RORA: variants seen among roughly 807,000 people sequenced by gnomAD.
RORA encodes the protein nuclear receptor ROR-alpha.
A neutral mutation model predicts 69.5 loss-of-function variants in RORA; 7 were observed. The observed-to-expected ratio is 0.10, with a 90% CI of 0.06 to 0.19. The LOEUF (loss-of-function observed/expected upper bound fraction) is 0.19, where lower values mean the gene tolerates loss of function less well. Ranked by LOEUF, RORA falls within the 10% of genes least tolerant of loss-of-function variation. RORA has a pLI of 1.00. For missense variants in RORA, 457 were observed against 663.0 expected, an observed-to-expected ratio of 0.69 and a Z score of 3.41; for synonymous variants, 261 against 240.8, an observed-to-expected ratio of 1.08 and a Z score of -0.78.
intron 1 of RORA, among the ~76,000 whole-genome samples, chr15:61,170,653 T>C (rs923125564): frequency 1.3e-5 from 2 of 152,160 alleles, no homozygotes; most frequent in Admixed American, 1.3e-4. Flanking sequence ...AAAAAGAGCA[T>C]ATATGTGTAT....
intron 1 of RORA, among the ~76,000 whole-genome samples, chr15:60,685,981 G>T (rs2070741114): frequency 6.6e-6 from 1 of 152,030 alleles, no homozygotes; most frequent in African/African-American, 2.4e-5. Flanking sequence ...AGGTGCTTTG[G>T]ACGCCATGAA....
intron 1 of RORA, among the ~76,000 whole-genome samples, chr15:60,838,137 G>A (rs2073143510): frequency 6.6e-6 from 1 of 152,088 alleles, no homozygotes; most frequent in Non-Finnish European, 1.5e-5. Context: ...CAAGTGGTGG[G>A]ATGAGCTGTG....
At chr15:61,228,936 G>T (rs1199377629) in intron 1 of RORA, 117 bp downstream of exon 1, 3 of 272,956 alleles carry the variant, frequency 1.1e-5, no homozygotes, top group African/African-American at 2.3e-5. Flanking sequence ...TCGGGGCGCC[G>T]CCGCAGGCTC....
chr15:60,772,049 ATTT>A (rs2072083913), intron 1 of RORA, among the ~76,000 whole-genome samples: 1 of 151,878 alleles, frequency 6.6e-6, no homozygotes, highest in Non-Finnish European at 1.5e-5. Flanking sequence ...TTTATTATTT[ATTT>A]TTATTTTTAT....
At chr15:60,663,892 C>G (rs1229460279) in intron 2 of RORA, among the ~76,000 whole-genome samples, 1 of 152,196 alleles carries the variant, frequency 6.6e-6, no homozygotes, top group Non-Finnish European at 1.5e-5. Context: ...TAACCCAACT[C>G]TCCAGAATTC....
intron 1 of RORA, among the ~76,000 whole-genome samples, chr15:60,968,474 T>C (rs1377645605): frequency 6.6e-6 from 1 of 152,152 alleles, no homozygotes; most frequent in Non-Finnish European, 1.5e-5. Flanking sequence ...ACTTTGAAAA[T>C]GGGCTAATAG....
intron 1 of RORA, among the ~76,000 whole-genome samples, chr15:60,783,519 G>A (rs2072292585): frequency 6.6e-6 from 1 of 152,092 alleles, no homozygotes; most frequent in African/African-American, 2.4e-5. Context: ...AACACAAAGG[G>A]GCTTTTATTA....
chr15:60,784,970 G>A (rs17204475), intron 1 of RORA, among the ~76,000 whole-genome samples: 10,602 of 152,224 alleles, frequency 0.07, 489 homozygotes, highest in Middle Eastern at 0.15. Flanking sequence ...CTGGCGAGAG[G>A]AAATTACAAA....
At chr15:60,840,592 G>C (rs1289355342) in intron 1 of RORA, among the ~76,000 whole-genome samples, 1 of 152,230 alleles carries the variant, frequency 6.6e-6, no homozygotes, top group Non-Finnish European at 1.5e-5. Context: ...TCAAGAGAGT[G>C]AGATGTTTGC....
chr15:61,178,856 T>TA (rs1220339326), intron 1 of RORA, among the ~76,000 whole-genome samples: 1 of 152,214 alleles, frequency 6.6e-6, no homozygotes, highest in Non-Finnish European at 1.5e-5. Context: ...TAGCTAACCA[T>TA]ATAGACTATA....
At chr15:60,893,953 C>G (rs909234680) in intron 1 of RORA, among the ~76,000 whole-genome samples, 22 of 152,272 alleles carry the variant, frequency 1.4e-4, no homozygotes, top group African/African-American at 4.8e-4. Context: ...CCCGTCTGGG[C>G]CCCTTCATCT....
rs1567051669 is a variant in RORA, at chr15:60,516,059, A to ATATATATTTATT, written c.283-1303_283-1302insAATAAATATATA. 5.1e-3 allele frequency among the ~76,000 whole-genome samples: 117 copies of ATATATATTTATT among 22,928 alleles called. 26 individuals are homozygous for ATATATATTTATT. The highest frequency in any genetic ancestry group is 0.04 in the East Asian group (16 of 400). The allele number at this position is 22,928 out of a possible 152,430, so 15.0% of individuals were successfully genotyped here. On this transcript the variant is annotated intron_variant, in intron 3 of 10. Coordinates refer to ENST00000335670, the MANE Select transcript of RORA (RefSeq NM_134261.3). Reference sequence around the variant, plus strand: ...TATATTTATATATTTATATATATTTATATATATTTATATATATTTATTTAT... The same window carrying ATATATATTTATT: ...TATATTTATATATTTATATATATTTATATATATTTATTTATATATTTATATATATTTATTTAT...
intron 1 of RORA, among the ~76,000 whole-genome samples, chr15:61,140,137 A>G (rs1181102121): frequency 1.3e-5 from 2 of 152,196 alleles, no homozygotes; most frequent in African/African-American, 4.8e-5. Flanking sequence ...CAACATGTCA[A>G]TGGTCTCATT....
intron 2 of RORA, chr15:60,558,170 C>T: frequency 7.9e-7 from 1 of 1,263,126 alleles, no homozygotes; most frequent in Non-Finnish European, 1.1e-6. Context: ...GACTGGGCCA[C>T]ATCTCCATGG....
At chr15:60,932,331 G>A (rs1892397127) in intron 1 of RORA, among the ~76,000 whole-genome samples, 1 of 152,052 alleles carries the variant, frequency 6.6e-6, no homozygotes. Context: ...GATTAGGGCT[G>A]GGTCATTCTG....
At chr15:60,674,636 T>C (rs1006263865) in intron 2 of RORA, among the ~76,000 whole-genome samples, 2 of 152,278 alleles carry the variant, frequency 1.3e-5, no homozygotes, top group African/African-American at 2.4e-5. Context: ...TAATTTTATA[T>C]TGTAGGTATT....
At chr15:60,681,379 A>T (rs1415212246) in intron 1 of RORA, among the ~76,000 whole-genome samples, 1 of 152,234 alleles carries the variant, frequency 6.6e-6, no homozygotes, top group African/African-American at 2.4e-5. Context: ...ACCACTCAGC[A>T]GTCAGCTCTG....
chr15:60,811,978 A>C (rs1016432634), intron 1 of RORA, among the ~76,000 whole-genome samples: 6 of 152,148 alleles, frequency 3.9e-5, no homozygotes, highest in Admixed American at 1.3e-4. Flanking sequence ...CTAATTATTA[A>C]AAATCCCAAA....
chr15:60,700,216 C>T lies in RORA; in HGVS notation c.167-21530G>A, dbSNP rs1487861555. ...AATTTACCACTCTATTCAAAAGTGTCTAAAATATAACAACCCCTCTTTATT... is the reference window on the plus strand; with the variant it reads ...AATTTACCACTCTATTCAAAAGTGTTTAAAATATAACAACCCCTCTTTATT... On this transcript the variant is annotated intron_variant, in intron 1 of 10. Coordinates refer to ENST00000335670, the MANE Select transcript of RORA (RefSeq NM_134261.3). Among the ~76,000 whole-genome samples the T allele has an allele frequency of 3.3e-5, 5 of 152,288 alleles. No individual in the cohort carries two copies. In the East Asian group the frequency reaches 7.7e-4, roughly 24 times the overall value.
Sources: allele counts gnomAD v4.1 joint callset (sites outside exome capture counted in the v4.1 genomes callset), GRCh38; gene constraint gnomAD v4.1.1; transcripts MANE v1.5; gene names NCBI Gene and HGNC (gene_info 2026-07-23, HGNC 2026-07-21).